The following DCLK1 variants were observed in gnomAD, a reference collection of about 807,000 sequenced individuals.
The protein encoded by DCLK1 is doublecortin like kinase 1, also known as serine/threonine-protein kinase DCLK1.
A neutral mutation model predicts 86.2 loss-of-function variants in DCLK1; 16 were observed. The ratio of observed to expected loss-of-function variants is 0.19; its 90% CI spans 0.13 to 0.28. The LOEUF (loss-of-function observed/expected upper bound fraction) is 0.28. Ranked by LOEUF, DCLK1 falls within the 10% of genes least tolerant of loss-of-function variation. DCLK1 has a pLI of 1.00. For missense variants in DCLK1, 590 were observed against 940.2 expected (o/e 0.63, Z 4.87); for synonymous variants, 369 against 370.5 (o/e 1.00, Z 0.05).
At chr13:35,777,609 T>C (rs2086445760) in intron 16 of DCLK1, among the ~76,000 whole-genome samples, 1 of 152,150 alleles carries the variant, frequency 6.6e-6, no homozygotes, top group African/African-American at 2.4e-5. Flanking sequence ...CTTCTCTTTG[T>C]AGAGCAGATA....
intron 4 of DCLK1, among the ~76,000 whole-genome samples, chr13:35,911,380 T>C (rs1378015692): frequency 2.0e-5 from 3 of 151,960 alleles, no homozygotes; most frequent in Admixed American, 6.5e-5. Context: ...CTCCAAGCAA[T>C]GGCCCCACCT....
intron 14 of DCLK1, among the ~76,000 whole-genome samples, chr13:35,807,099 C>T (rs1468301824): frequency 2.0e-5 from 3 of 152,124 alleles, no homozygotes; most frequent in South Asian, 2.1e-4. Context: ...AGTCAGCACT[C>T]GGAGACATAA....
intron 15 of DCLK1, among the ~76,000 whole-genome samples, chr13:35,796,354 A>C (rs2086811890): frequency 6.6e-6 from 1 of 152,202 alleles, no homozygotes; most frequent in African/African-American, 2.4e-5. Flanking sequence ...TCTTAGGATA[A>C]GAAGCTAGTG....
chr13:35,962,466 C>G (rs368739326), intron 3 of DCLK1, among the ~76,000 whole-genome samples: 2 of 152,184 alleles, frequency 1.3e-5, no homozygotes, highest in East Asian at 1.9e-4. Context: ...TTCTCCCTAA[C>G]AGCTTTCAGA....
At chr13:35,842,471 G>T (rs1307917165) in intron 6 of DCLK1, among the ~76,000 whole-genome samples, 1 of 151,546 alleles carries the variant, frequency 6.6e-6, no homozygotes, top group East Asian at 1.9e-4. Context: ...ACAAATTCAA[G>T]ACCACCCTGG....
intron 16 of DCLK1, among the ~76,000 whole-genome samples, chr13:35,786,985 A>G (rs192411979): frequency 6.6e-6 from 1 of 151,950 alleles, no homozygotes; most frequent in Non-Finnish European, 1.5e-5. Flanking sequence ...TCATTTGTCA[A>G]GGTATGCCCC....
chr13:35,824,411 C>A (rs2087472128), intron 10 of DCLK1, among the ~76,000 whole-genome samples: 1 of 152,168 alleles, frequency 6.6e-6, no homozygotes, highest in Non-Finnish European at 1.5e-5. Flanking sequence ...AACTCCTGGC[C>A]TCAAGTGATC....
At chr13:36,113,166 G>A (rs917605233) in intron 2 of DCLK1, among the ~76,000 whole-genome samples, 1 of 152,140 alleles carries the variant, frequency 6.6e-6, no homozygotes, top group African/African-American at 2.4e-5. Flanking sequence ...AAATGACCGA[G>A]GCCTAATCTA....
chr13:35,828,366 T>C, intron 8 of DCLK1, 59 bp from the exon 9 acceptor site: 1 of 1,415,062 alleles, frequency 7.1e-7, no homozygotes, highest in Non-Finnish European at 9.7e-7. Context: ...TATTGAATTA[T>C]TTTGTCAGGG....
intron 4 of DCLK1, among the ~76,000 whole-genome samples, chr13:35,876,966 C>G (rs1047284096): frequency 6.6e-6 from 1 of 152,146 alleles, no homozygotes; most frequent in African/African-American, 2.4e-5. Context: ...AGATTGCAGC[C>G]TACCCAAAGG....
At chr13:35,974,586 G>A (rs1335129475) in intron 3 of DCLK1, among the ~76,000 whole-genome samples, 1 of 152,180 alleles carries the variant, frequency 6.6e-6, no homozygotes, top group Non-Finnish European at 1.5e-5. Context: ...TTGTTTGAAA[G>A]TGTGTAACGC....
At chr13:35,777,346 C>T (rs73176155) in intron 16 of DCLK1, among the ~76,000 whole-genome samples, 22,670 of 152,152 alleles carry the variant, frequency 0.15, 2,083 homozygotes, top group East Asian at 0.34. Flanking sequence ...GAAACTGAGA[C>T]CTAGGCATGT....
At chr13:36,012,182 A>G (rs1283605286) in intron 3 of DCLK1, among the ~76,000 whole-genome samples, 8 of 139,018 alleles carry the variant, frequency 5.8e-5, no homozygotes, top group Non-Finnish European at 1.1e-4. Context: ...TCTTTATCCA[A>G]TTTGCCAGTC....
chr13:35,855,524 A>G (rs1870983970), intron 5 of DCLK1: 3 of 1,607,662 alleles, frequency 1.9e-6, no homozygotes, highest in Non-Finnish European at 2.5e-6. Flanking sequence ...TATGAGTTCT[A>G]ACATGGACAC....
At chr13:35,846,948 C>G (rs1024575342) in intron 6 of DCLK1, 4 of 985,088 alleles carry the variant, frequency 4.1e-6, no homozygotes, top group African/African-American at 1.7e-5. Flanking sequence ...ATTAAACTTA[C>G]TTCATATCAA....
chr13:36,082,234 A>G (rs113096153), intron 3 of DCLK1, among the ~76,000 whole-genome samples: 1,938 of 152,222 alleles, frequency 0.013, 45 homozygotes, highest in African/African-American at 0.044. Context: ...AGCCTACTCA[A>G]GGTGAAGGCA....
At chr13:36,044,996 AATAAAT>A (rs2153155921) in intron 3 of DCLK1, among the ~76,000 whole-genome samples, 1 of 151,956 alleles carries the variant, frequency 6.6e-6, no homozygotes, top group African/African-American at 2.4e-5. Context: ...TACAAATAAA[AATAAAT>A]ATATACCTTA....
At position 35,838,567 on chromosome 13, in the gene DCLK1, T is replaced by C. The variant is rs1295690253; in HGVS notation, c.1120+525A>G. On this transcript the variant is annotated intron_variant, in intron 7 of 16. Transcript: ENST00000360631. ...GAAAAAGTCATTTCTGGAATCCTGA[T>C]CATTTGACCACATCACAGAGACATT... Among the ~76,000 whole-genome samples the C allele has an allele frequency of 4.6e-5, 7 of 152,196 alleles. No homozygotes were observed. In the East Asian group the frequency reaches 1.3e-3, roughly 29 times the overall value.
At chr13:35,816,134 G>C (rs1025532057) in intron 11 of DCLK1, among the ~76,000 whole-genome samples, 6 of 152,136 alleles carry the variant, frequency 3.9e-5, no homozygotes, top group Non-Finnish European at 7.4e-5. Context: ...TACATCCCAG[G>C]ATTTTGCCAA....
Sources: allele counts gnomAD v4.1 joint callset (sites outside exome capture counted in the v4.1 genomes callset), GRCh38; gene constraint gnomAD v4.1.1; transcripts MANE v1.5; gene names NCBI Gene and HGNC (gene_info 2026-07-23, HGNC 2026-07-21).